SDHAF3: variants seen among roughly 807,000 people sequenced by gnomAD.
The protein encoded by SDHAF3 is succinate dehydrogenase assembly factor 3, mitochondrial.
A neutral mutation model predicts 11.5 loss-of-function variants in SDHAF3; 18 were observed. The observed-to-expected ratio is 1.56, with a 90% confidence interval of 1.08 to 2.32. SDHAF3 has a LOEUF of 2.32. Ranked by LOEUF, SDHAF3 falls within the 30% of genes most tolerant of loss-of-function variation. The pLI is 0.00. For missense variants in SDHAF3, 200 were observed against 154.4 expected, an observed-to-expected ratio of 1.30 and a Z score of -1.57; for synonymous variants, 72 against 59.3, an observed-to-expected ratio of 1.21 and a Z score of -0.99.
At chr7:97,178,703 G>T (rs1309083851) in intron 1 of SDHAF3, among the ~76,000 whole-genome samples, 1 of 151,990 alleles carries the variant, frequency 6.6e-6, no homozygotes, top group Non-Finnish European at 1.5e-5. Flanking sequence ...TTTAAATTGG[G>T]CTATTTGTCT....
chr7:97,159,276 GAA>G (rs1412857564), intron 1 of SDHAF3, among the ~76,000 whole-genome samples: 2 of 152,198 alleles, frequency 1.3e-5, no homozygotes, highest in Non-Finnish European at 2.9e-5. Flanking sequence ...AGTGATGCTA[GAA>G]TCTAAACTTC....
chr7:97,150,503 T>C (rs1584222512), intron 1 of SDHAF3, among the ~76,000 whole-genome samples: 2 of 152,068 alleles, frequency 1.3e-5, no homozygotes, highest in Admixed American at 1.3e-4. Context: ...CATCAGAGCT[T>C]TTGGGTGACC....
At chr7:97,177,376 T>G (rs1789693611) in intron 1 of SDHAF3, among the ~76,000 whole-genome samples, 1 of 151,758 alleles carries the variant, frequency 6.6e-6, no homozygotes, top group African/African-American at 2.4e-5. Context: ...ATGGTGGGCA[T>G]CTGTAGTCCC....
chr7:97,135,752 A>G (rs974383246), intron 1 of SDHAF3, among the ~76,000 whole-genome samples: 23 of 144,102 alleles, frequency 1.6e-4, no homozygotes, highest in African/African-American at 5.7e-4. Flanking sequence ...CAGTGGCTCA[A>G]TCTCGGCTCA....
chr7:97,161,453 C>CT (rs1303695191), intron 1 of SDHAF3, among the ~76,000 whole-genome samples: 2 of 152,132 alleles, frequency 1.3e-5, no homozygotes, highest in Non-Finnish European at 2.9e-5. Flanking sequence ...TTTTATTATA[C>CT]TTTAAGTTCT....
At chr7:97,157,103 C>T (rs536473645) in intron 1 of SDHAF3, among the ~76,000 whole-genome samples, 2 of 152,214 alleles carry the variant, frequency 1.3e-5, no homozygotes, top group Admixed American at 1.3e-4. Context: ...TTATTTTTCC[C>T]CTTACCCTAG....
chr7:97,181,238 GACATGCAAAAATTTAGA>G lies in SDHAF3; in HGVS notation c.*26_*42del, dbSNP rs1303746629. ...TAGTCTATACAACAAAGCTTAATAA[GACATGCAAAAATTTAGA>G]ACCCCTACTTTAACTGTCATTGGTT... On this transcript the variant is annotated 3_prime_UTR_variant, in exon 2 of 2. Transcript: ENST00000432641. 1 of 1,560,940 alleles carries G rather than the reference GACATGCAAAAATTTAGA, an allele frequency of 6.4e-7. No individual in the cohort carries two copies. The highest frequency in any genetic ancestry group is 2.3e-5 in the East Asian group (1 of 44,292).
At chr7:97,164,250 C>T (rs140434934) in intron 1 of SDHAF3, among the ~76,000 whole-genome samples, 2,337 of 150,436 alleles carry the variant, frequency 0.016, 57 homozygotes, top group African/African-American at 0.053. Context: ...TTTTTGGAGA[C>T]GGAGTCTCAC....
intron 1 of SDHAF3, chr7:97,135,579 A>ATGTGTGTGTG (rs1491379649): frequency 2.6e-5 from 3 of 115,948 alleles, no homozygotes; most frequent in Non-Finnish European, 5.7e-5. Flanking sequence ...GCTAGTCCCC[A>ATGTGTGTGTG]TATGTGTGTG....
chr7:97,131,164 A>G (rs1297768540), intron 1 of SDHAF3, among the ~76,000 whole-genome samples: 1 of 152,226 alleles, frequency 6.6e-6, no homozygotes, highest in Non-Finnish European at 1.5e-5. Flanking sequence ...AAAAACTATT[A>G]AACTTTTGTG....
rs1331717963 is a variant in SDHAF3 at position 97,181,481 on chromosome 7, A to G, written c.*266A>G. On this transcript the variant is annotated 3_prime_UTR_variant, in exon 2 of 2. Transcript: ENST00000432641. ...TTTGCTGAAAATGTTTTAAAATGCTATTCTCATCCAGCCATATTAGTCTTC... is the reference window on the plus strand; with the variant it reads ...TTTGCTGAAAATGTTTTAAAATGCTGTTCTCATCCAGCCATATTAGTCTTC... 3.1e-5 allele frequency: 9 copies of G among 289,570 alleles called. No homozygotes were observed. The Admixed American group carries it at 3.8e-4, about 12-fold the overall frequency. 17.9% of individuals were successfully genotyped at this position (289,570 alleles called of 1,614,324 possible).
chr7:97,149,743 G>A (rs939940557), intron 1 of SDHAF3, among the ~76,000 whole-genome samples: 5 of 152,132 alleles, frequency 3.3e-5, no homozygotes, highest in African/African-American at 1.2e-4. Flanking sequence ...TGAATGATGA[G>A]GGGGGTAGTT....
At chr7:97,130,149 G>A (rs1791644998) in intron 1 of SDHAF3, among the ~76,000 whole-genome samples, 1 of 151,956 alleles carries the variant, frequency 6.6e-6, no homozygotes, top group Non-Finnish European at 1.5e-5. Context: ...GTGGATGCCT[G>A]TAATCCCAGC....
chr7:97,151,263 CAAAAT>C (rs1245041149), intron 1 of SDHAF3, among the ~76,000 whole-genome samples: 10 of 151,948 alleles, frequency 6.6e-5, no homozygotes, highest in African/African-American at 2.4e-4. Context: ...GAGAGTCTCA[CAAAAT>C]AAAAGACTCA....
At chr7:97,145,847 AT>A (rs1300725010) in intron 1 of SDHAF3, among the ~76,000 whole-genome samples, 2 of 152,154 alleles carry the variant, frequency 1.3e-5, no homozygotes, top group Non-Finnish European at 2.9e-5. Context: ...CTGATGATTC[AT>A]AGTAATTCAA....
At chr7:97,153,726 T>TG (rs1268901699) in intron 1 of SDHAF3, among the ~76,000 whole-genome samples, 1 of 152,204 alleles carries the variant, frequency 6.6e-6, no homozygotes, top group Non-Finnish European at 1.5e-5. Context: ...ATTTTATATT[T>TG]CCACCAGCAG....
chr7:97,181,192 G>C lies in SDHAF3; in HGVS notation c.355G>C (p.Glu119Gln), dbSNP rs776314168. ...ACCCAATAGGCAATTTAGTATTTCT[G>C]AGTCTATGAAACCAAAATTTTAGTC... The part of the protein sequence containing the change: ...TKPNRQFSIS[E>Q]SMKPKF Residue 119 changes from glutamate (E) to glutamine (Q), a missense_variant, in exon 2 of 2, where the codon GAG becomes CAG. Glu to Gln is a conservative substitution (Grantham distance 29, BLOSUM62 2). Transcript: ENST00000432641. 1 of 1,613,348 alleles carries C rather than the reference G, an allele frequency of 6.2e-7. No individual in the cohort carries two copies. The highest frequency in any genetic ancestry group is 1.1e-5 in the South Asian group (1 of 90,894).
chr7:97,161,104 C>T (rs1789402568), intron 1 of SDHAF3, among the ~76,000 whole-genome samples: 1 of 152,146 alleles, frequency 6.6e-6, no homozygotes, highest in African/African-American at 2.4e-5. Flanking sequence ...TGATGCTGGG[C>T]AGTGGCTGGG....
At chr7:97,142,261 G>T (rs1789061166) in intron 1 of SDHAF3, among the ~76,000 whole-genome samples, 1 of 151,536 alleles carries the variant, frequency 6.6e-6, no homozygotes, top group East Asian at 1.9e-4. Context: ...CACTATATTG[G>T]CCAGGCTGGT....
Sources: allele counts gnomAD v4.1 joint callset (sites outside exome capture counted in the v4.1 genomes callset), GRCh38; gene constraint gnomAD v4.1.1; transcripts MANE v1.5; gene names NCBI Gene and HGNC (gene_info 2026-07-23, HGNC 2026-07-21).